Variants in LRGUK observed in about 807,000 individuals in gnomAD.
LRGUK encodes the protein leucine-rich repeat and guanylate kinase domain-containing protein.
In LRGUK, 65 loss-of-function variants were observed where a neutral mutation model predicts 76.0. That is an observed-to-expected ratio of 0.85 (90% CI 0.70 to 1.05). LRGUK has a LOEUF of 1.05. Ranked by LOEUF, LRGUK falls within the 50% of genes least tolerant of loss-of-function variation. LRGUK has a pLI of 0.00. For missense variants in LRGUK, 758 were observed against 732.8 expected (o/e 1.03, Z -0.40); for synonymous variants, 268 against 265.6 (o/e 1.01, Z -0.09).
intron 1 of LRGUK, among the ~76,000 whole-genome samples, chr7:134,134,345 C>T (rs192016152): frequency 1.2e-3 from 185 of 152,212 alleles, no homozygotes; most frequent in Admixed American, 2.9e-3. Flanking sequence ...TCTGGAGCTG[C>T]GGCAGTAAAG....
At chr7:134,214,308 A>G (rs1200225327), downstream of LRGUK, among the ~76,000 whole-genome samples, 3 of 152,262 alleles carry the variant, frequency 2.0e-5, no homozygotes, top group Non-Finnish European at 4.4e-5. Context: ...TCTATGTCTC[A>G]GGAGAGAAAG....
At chr7:134,189,686 C>T (rs995660466) in intron 11 of LRGUK, among the ~76,000 whole-genome samples, 2 of 152,174 alleles carry the variant, frequency 1.3e-5, no homozygotes, top group African/African-American at 4.8e-5. Context: ...TAAGGGTTTG[C>T]TGCAAGGGTG....
intron 15 of LRGUK, among the ~76,000 whole-genome samples, chr7:134,208,374 TAA>T (rs1325293665): frequency 1.3e-5 from 2 of 152,210 alleles, no homozygotes; most frequent in Non-Finnish European, 2.9e-5. Flanking sequence ...GGTAAAAATT[TAA>T]AGTCTCATTC....
chr7:134,258,149 T>G, intron 18 of LRGUK, 108 bp from the exon 19 acceptor site: 1 of 1,369,096 alleles, frequency 7.3e-7, no homozygotes, highest in Non-Finnish European at 1.0e-6. Context: ...CACTAACTAC[T>G]GTGAACTTGA....
chr7:134,206,558 G>A (rs933650902), intron 15 of LRGUK, among the ~76,000 whole-genome samples: 6 of 150,120 alleles, frequency 4.0e-5, no homozygotes, highest in Admixed American at 6.7e-5. Context: ...ATATGTATGT[G>A]TATATATATA....
At chr7:134,187,192 AC>A (rs1480472048) in intron 11 of LRGUK, among the ~76,000 whole-genome samples, 9 of 143,186 alleles carry the variant, frequency 6.3e-5, no homozygotes, top group South Asian at 2.3e-4. Flanking sequence ...AAAAAAAAAA[AC>A]CAAAGCACAT....
chr7:134,208,581 A>G (rs1166266042), intron 15 of LRGUK: 2 of 396,334 alleles, frequency 5.0e-6, no homozygotes, highest in Non-Finnish European at 8.9e-6. Context: ...AAGTTCTCCT[A>G]TATGTGTAAT....
At chr7:134,238,406 CTT>C (rs1163354817) in intron 16 of LRGUK, among the ~76,000 whole-genome samples, 9 of 152,012 alleles carry the variant, frequency 5.9e-5, no homozygotes, top group South Asian at 2.1e-4. Context: ...ATCATTTTCT[CTT>C]GAGTCCTTTT....
At chr7:134,145,745 G>A (rs567247834) in intron 4 of LRGUK, among the ~76,000 whole-genome samples, 19 of 152,268 alleles carry the variant, frequency 1.2e-4, no homozygotes, top group African/African-American at 3.6e-4. Flanking sequence ...ACTATGCTCC[G>A]CCATCTTGAG....
At chr7:134,204,894 G>T (rs1800937089) in intron 15 of LRGUK, among the ~76,000 whole-genome samples, 2 of 152,194 alleles carry the variant, frequency 1.3e-5, no homozygotes, top group South Asian at 2.1e-4. Context: ...ACAAGTGTCA[G>T]TGTGTCCAGA....
At chr7:134,201,715 T>A in intron 15 of LRGUK, 139 bp downstream of exon 15, 1 of 603,256 alleles carries the variant, frequency 1.7e-6, no homozygotes, top group Non-Finnish European at 2.9e-6. Flanking sequence ...GGGGCAATTG[T>A]CCCCAAAACA....
chr7:134,165,767 A>G (rs1456934467), intron 7 of LRGUK, among the ~76,000 whole-genome samples: 2 of 152,204 alleles, frequency 1.3e-5, no homozygotes, highest in Non-Finnish European at 2.9e-5. Context: ...GCATGTGGCT[A>G]GTAATTACCA....
At position 134,127,668 on chromosome 7, in the gene LRGUK, T is replaced by A; in HGVS notation, c.297+4T>A. 1 of 1,610,284 alleles carries A rather than the reference T, an allele frequency of 6.2e-7. No individual in the cohort carries two copies. The highest frequency in any genetic ancestry group is 8.5e-7 in the Non-Finnish European group (1 of 1,178,216). On this transcript the variant is annotated splice_donor_region_variant and intron_variant, in intron 1 of 15. Transcript: ENST00000645682. ...GTCCGAAATGCTGAATTTGGAGGTG[T>A]GTCTTCCCCCCCACCCCGTACTCCC...
intron 3 of LRGUK, among the ~76,000 whole-genome samples, chr7:134,140,765 T>C (rs1256277977): frequency 6.6e-6 from 1 of 152,206 alleles, no homozygotes; most frequent in East Asian, 1.9e-4. Flanking sequence ...ATTCTTAAAA[T>C]ACTACTGTTT....
At chr7:134,252,364 A>AATTT (rs1563200820) in intron 18 of LRGUK, among the ~76,000 whole-genome samples, 40 of 148,732 alleles carry the variant, frequency 2.7e-4, no homozygotes, top group African/African-American at 9.4e-4. Flanking sequence ...AAATTAAATT[A>AATTT]AATTAAATTA....
At chr7:134,255,509 C>T (rs754060137) in intron 18 of LRGUK, among the ~76,000 whole-genome samples, 4 of 152,282 alleles carry the variant, frequency 2.6e-5, no homozygotes, top group South Asian at 2.1e-4. Context: ...GACACAGGCA[C>T]GTCTGTGATG....
intron 15 of LRGUK, among the ~76,000 whole-genome samples, chr7:134,208,361 G>T (rs978917049): frequency 6.6e-6 from 1 of 152,186 alleles, no homozygotes; most frequent in Non-Finnish European, 1.5e-5. Context: ...TGATCTCTAA[G>T]TTGGTAAAAA....
intron 8 of LRGUK, among the ~76,000 whole-genome samples, chr7:134,175,781 T>C (rs1440182802): frequency 6.6e-6 from 1 of 152,144 alleles, no homozygotes; most frequent in Non-Finnish European, 1.5e-5. Flanking sequence ...CAAAGAGGCA[T>C]GGCTTCTTAC....
At chr7:134,175,415 A>G (rs1382068948) in intron 8 of LRGUK, among the ~76,000 whole-genome samples, 1 of 152,204 alleles carries the variant, frequency 6.6e-6, no homozygotes, top group African/African-American at 2.4e-5. Context: ...TTATAAATTA[A>G]AAGCTGCCCT....
Sources: gnomAD v4.1 joint callset for allele counts (sites outside exome capture counted in the v4.1 genomes callset) on GRCh38, gnomAD v4.1.1 for gene constraint, MANE v1.5 for transcripts, NCBI Gene and HGNC (gene_info 2026-07-23, HGNC 2026-07-21) for gene names.